DOCK1: variants seen among roughly 807,000 people sequenced by gnomAD.
DOCK1 encodes the protein dedicator of cytokinesis protein 1.
A neutral mutation model predicts 262.7 loss-of-function variants in DOCK1; 138 were observed. That is an observed-to-expected ratio of 0.53 (90% CI 0.46 to 0.61). The LOEUF (loss-of-function observed/expected upper bound fraction) is 0.61, where lower values mean the gene tolerates loss of function less well. DOCK1 is among the 20% of genes least tolerant of loss of function. DOCK1 has a pLI of 0.00. For synonymous variants in DOCK1, 866 were observed against 867.4 expected, an observed-to-expected ratio of 1.00 and a Z score of 0.03; for missense variants, 1,908 against 2,370.7, an observed-to-expected ratio of 0.80 and a Z score of 4.05.
At chr10:127,266,988 G>C (rs2060385216) in intron 29 of DOCK1, among the ~76,000 whole-genome samples, 1 of 152,112 alleles carries the variant, frequency 6.6e-6, no homozygotes, top group South Asian at 2.1e-4. Context: ...ACTTTTCTGG[G>C]GGCTGTGTTG....
At chr10:127,438,667 A>G (rs1170994618) in intron 48 of DOCK1, among the ~76,000 whole-genome samples, 1 of 152,252 alleles carries the variant, frequency 6.6e-6, no homozygotes, top group African/African-American at 2.4e-5. Flanking sequence ...CCATTAAAAA[A>G]TAGACAAAAT....
In DOCK1 at chr10:126,990,477, G is replaced by C. The variant is rs193160639; in HGVS notation, c.347G>C (p.Arg116Pro). Reference sequence around the variant, plus strand: ...TAGCAAGATAACAGGGAGATGTTTCGAAGTGTGCGGCACATGATCTATGAC... The same window carrying C: ...TAGCAAGATAACAGGGAGATGTTTCCAAGTGTGCGGCACATGATCTATGAC... ...LYVQDNREMF[R>P]SVRHMIYDLI... The change falls in exon 6 of 52, where the codon CGA (arginine) becomes CCA (proline). Residue 116 changes from arginine (R) to proline (P), a missense_variant. Coordinates refer to ENST00000623213, the MANE Select transcript of DOCK1 (RefSeq NM_001290223.2). The C allele has an allele frequency of 6.2e-7, 1 of 1,611,000 alleles. No individual in the cohort carries two copies. Among genetic ancestry groups the C allele is most frequent in the Non-Finnish European group, 8.5e-7 (1 of 1,178,648 alleles).
chr10:127,129,558 C>G (rs1257211819), intron 27 of DOCK1, among the ~76,000 whole-genome samples: 1 of 152,186 alleles, frequency 6.6e-6, no homozygotes, highest in Non-Finnish European at 1.5e-5. Flanking sequence ...TGCAGTGACT[C>G]CACGAGCCAC....
At chr10:126,971,770 TC>T (rs1565018168) in intron 2 of DOCK1, among the ~76,000 whole-genome samples, 1 of 150,992 alleles carries the variant, frequency 6.6e-6, no homozygotes, top group Non-Finnish European at 1.5e-5. Context: ...TCTTTTAATG[TC>T]CTCACTTAGA....
At position 127,434,888 on chromosome 10, in the gene DOCK1, A is replaced by G. The variant is rs1023935625; in HGVS notation, c.5060+1460A>G. Reference sequence around the variant, plus strand: ...AGGATGGTCTCGATCTCCTGACCTCATGATCCGCCCGCCTCGGCCTCCCAA... The same window carrying G: ...AGGATGGTCTCGATCTCCTGACCTCGTGATCCGCCCGCCTCGGCCTCCCAA... On this transcript the variant is annotated intron_variant, in intron 48 of 51. Transcript: ENST00000623213. Among the ~76,000 whole-genome samples, 31 of 152,160 alleles carry G rather than the reference A, an allele frequency of 2.0e-4. 1 individual carries two copies. In the East Asian group the frequency reaches 5.6e-3, roughly 28 times the overall value.
rs982503243 is a variant in DOCK1 at position 126,935,822 on chromosome 10, C to T, written c.46+30259C>T. On this transcript the variant is annotated intron_variant, in intron 1 of 51. Coordinates refer to ENST00000623213, the MANE Select transcript of DOCK1 (RefSeq NM_001290223.2). Reference sequence around the variant, plus strand: ...TCCATGAGGATAAGGGCAGCATCTGCCCTGCAGGCATCTACTGCCATCCTT... The same window carrying T: ...TCCATGAGGATAAGGGCAGCATCTGTCCTGCAGGCATCTACTGCCATCCTT... Among the ~76,000 whole-genome samples the T allele has an allele frequency of 7.2e-5, 11 of 152,356 alleles. No homozygotes were observed. In the East Asian group the frequency reaches 1.5e-3, roughly 21 times the overall value.
At chr10:126,970,647 C>A in intron 1 of DOCK1, 55 bp from the exon 2 acceptor site, 1 of 1,401,260 alleles carries the variant, frequency 7.1e-7, no homozygotes, top group Non-Finnish European at 1.0e-6. Context: ...CACGACTCAG[C>A]ATGGTCACTT....
At chr10:127,093,242 CTTTTTTT>C (rs200302331) in intron 23 of DOCK1, among the ~76,000 whole-genome samples, 1 of 79,342 alleles carries the variant, frequency 1.3e-5, no homozygotes, top group Non-Finnish European at 2.2e-5. Flanking sequence ...TTTCTTTCTT[CTTTTTTT>C]TTTTTTTTTT....
chr10:127,433,340 A>T lies in DOCK1; in HGVS notation c.4972A>T (p.Thr1658Ser). ...SRPRSMVRSF[T>S]MPSSSRPLSV... ...CCCCCGGTCCATGGTGCGGTCCTTC[A>T]CGATGCCTTCCTCATCCCGCCCTCT... Residue 1658 changes from threonine (T) to serine (S), a missense_variant, in exon 48 of 52, where the codon ACG becomes TCG. Coordinates refer to ENST00000623213, the MANE Select transcript of DOCK1 (RefSeq NM_001290223.2). 1 of 1,613,894 alleles carries T rather than the reference A, an allele frequency of 6.2e-7. No homozygotes were observed. The highest frequency in any genetic ancestry group is 8.5e-7 in the Non-Finnish European group (1 of 1,179,886).
chr10:127,120,916 A>AATGTG (rs1193218902), intron 25 of DOCK1, among the ~76,000 whole-genome samples: 1 of 152,170 alleles, frequency 6.6e-6, no homozygotes, highest in East Asian at 1.9e-4. Context: ...TTGTAGGCTC[A>AATGTG]TATTTGCTAA....
chr10:126,949,205 G>T (rs1262107243), intron 1 of DOCK1, among the ~76,000 whole-genome samples: 2 of 152,072 alleles, frequency 1.3e-5, no homozygotes, highest in African/African-American at 2.4e-5. Context: ...AAGGTGACCT[G>T]GGTTGGGGGA....
At chr10:127,411,307 A>G (rs993506003) in intron 43 of DOCK1, among the ~76,000 whole-genome samples, 12 of 152,078 alleles carry the variant, frequency 7.9e-5, no homozygotes, top group African/African-American at 2.7e-4. Flanking sequence ...CAGGTGACAC[A>G]GCAGTCAGCA....
intron 23 of DOCK1, among the ~76,000 whole-genome samples, chr10:127,071,510 C>G (rs75473437): frequency 0.019 from 2,870 of 152,286 alleles, 94 homozygotes; most frequent in African/African-American, 0.066. Context: ...CCAAGTATTT[C>G]TATTGGTTTT....
chr10:127,096,852 A>C (rs1200259742), intron 23 of DOCK1, among the ~76,000 whole-genome samples: 1 of 152,110 alleles, frequency 6.6e-6, no homozygotes, highest in Non-Finnish European at 1.5e-5. Context: ...CACCCCTGTA[A>C]TCTCAGCACT....
chr10:127,039,659 G>A (rs905319542), intron 19 of DOCK1, among the ~76,000 whole-genome samples: 1 of 152,154 alleles, frequency 6.6e-6, no homozygotes, highest in South Asian at 2.1e-4. Flanking sequence ...TTGAGGCCAC[G>A]GGGCTGTTAA....
At chr10:127,344,761 T>C (rs1406362046) in intron 31 of DOCK1, among the ~76,000 whole-genome samples, 1 of 152,096 alleles carries the variant, frequency 6.6e-6, no homozygotes, top group East Asian at 1.9e-4. Context: ...CTTAGGAGGC[T>C]GAGGCAGGAA....
chr10:127,331,874 C>A (rs2062997705), intron 29 of DOCK1, among the ~76,000 whole-genome samples: 1 of 152,170 alleles, frequency 6.6e-6, no homozygotes, highest in Non-Finnish European at 1.5e-5. Flanking sequence ...GTGATTCATA[C>A]CCCGCAAGAC....
chr10:127,153,829 G>T, intron 27 of DOCK1: 1 of 1,558,542 alleles, frequency 6.4e-7, no homozygotes, highest in Non-Finnish European at 8.8e-7. Context: ...TAAGAAAGTG[G>T]GAAGAGGAGA....
At chr10:127,228,743 C>T (rs2134528273) in intron 27 of DOCK1, among the ~76,000 whole-genome samples, 1 of 152,280 alleles carries the variant, frequency 6.6e-6, no homozygotes, top group South Asian at 2.1e-4. Flanking sequence ...CACACACATT[C>T]TCTAGCATAT....
Sources: allele counts gnomAD v4.1 joint callset (sites outside exome capture counted in the v4.1 genomes callset), GRCh38; gene constraint gnomAD v4.1.1; transcripts MANE v1.5; gene names NCBI Gene and HGNC (gene_info 2026-07-23, HGNC 2026-07-21).